Variants in RBM47 observed in about 807,000 individuals in gnomAD.
The protein encoded by RBM47 is RNA binding motif protein 47, also known as RNA-binding protein 47.
A neutral mutation model predicts 47.1 loss-of-function variants in RBM47; 21 were observed. That is an observed-to-expected ratio of 0.45 (90% CI 0.32 to 0.64). RBM47 has a LOEUF of 0.64. Ranked by LOEUF, RBM47 falls within the 30% of genes least tolerant of loss-of-function variation. The pLI is 0.05. For missense variants in RBM47, 708 were observed against 870.9 expected, an observed-to-expected ratio of 0.81 and a Z score of 2.35; for synonymous variants, 375 against 361.7, an observed-to-expected ratio of 1.04 and a Z score of -0.42.
rs1713179755 is a variant in RBM47, at chr4:40,438,873, G to A, written c.21C>T (p.Thr7=). The change falls in exon 4 of 7, where the codon ACC becomes ACT. Residue 7 remains threonine (T), a synonymous_variant. Coordinates refer to ENST00000295971, the MANE Select transcript of RBM47 (RefSeq NM_001098634.2). ...CGGCCGAGTCACTGCTCATGGCTGC[G>A]GTGGAATCCTCTGCGGTCATAATGT... is the stretch of plus-strand genomic sequence containing the variant. The part of the protein sequence containing the change: MTAEDS[T]AAMSSDSAAG... 2 of 1,558,238 alleles carry A rather than the reference G, an allele frequency of 1.3e-6. No individual in the cohort carries two copies. Among genetic ancestry groups the A allele is most frequent in the Non-Finnish European group, 1.7e-6 (2 of 1,158,222 alleles).
At chr4:40,546,167 C>G (rs1729020605) in intron 1 of RBM47, among the ~76,000 whole-genome samples, 1 of 149,172 alleles carries the variant, frequency 6.7e-6, no homozygotes, top group Non-Finnish European at 1.5e-5. Context: ...TTTTTTTTTT[C>G]CAGATGGAGT....
rs79775951 is a variant in RBM47, at chr4:40,530,929, T to A, written c.-155+13493A>T. On this transcript the variant is annotated intron_variant, in intron 2 of 6. Coordinates refer to ENST00000295971, the MANE Select transcript of RBM47 (RefSeq NM_001098634.2). ...AGCTTGGGCAACATAGTGAGACCTG[T>A]CTCTACAAAAAGCAAACAAAATTAG... is the stretch of plus-strand genomic sequence containing the variant. Among the ~76,000 whole-genome samples, 998 of 152,166 alleles carry A rather than the reference T, an allele frequency of 6.6e-3. 12 individuals carry two copies. The highest frequency in any genetic ancestry group is 0.021 in the African/African-American group (852 of 41,530).
chr4:40,622,005 G>A (rs1339866085), intron 1 of RBM47, among the ~76,000 whole-genome samples: 1 of 152,220 alleles, frequency 6.6e-6, no homozygotes, highest in African/African-American at 2.4e-5. Context: ...TATGTTCGTG[G>A]TTGTATTTCG....
intron 2 of RBM47, among the ~76,000 whole-genome samples, chr4:40,476,569 A>G (rs1156657314): frequency 1.3e-5 from 2 of 152,012 alleles, no homozygotes; most frequent in Non-Finnish European, 1.5e-5. Context: ...TCTGTACACA[A>G]CAACAGATCA....
At chr4:40,475,099 T>C (rs1719415232) in intron 2 of RBM47, among the ~76,000 whole-genome samples, 1 of 152,132 alleles carries the variant, frequency 6.6e-6, no homozygotes, top group South Asian at 2.1e-4. Context: ...CTTTAAAGCA[T>C]ATAATCTACA....
intron 3 of RBM47, among the ~76,000 whole-genome samples, chr4:40,451,051 G>C (rs1363771816): frequency 6.6e-6 from 1 of 151,810 alleles, no homozygotes; most frequent in African/African-American, 2.4e-5. Context: ...TGGCTCTTAC[G>C]AATAGTCAAG....
intron 5 of RBM47, among the ~76,000 whole-genome samples, chr4:40,434,557 C>T (rs549359354): frequency 2.0e-5 from 3 of 152,088 alleles, no homozygotes; most frequent in Non-Finnish European, 4.4e-5. Flanking sequence ...CAAGTAGAAG[C>T]GACGACTCCC....
At chr4:40,457,691 T>A (rs1257531708) in intron 3 of RBM47, among the ~76,000 whole-genome samples, 1 of 152,196 alleles carries the variant, frequency 6.6e-6, no homozygotes, top group Non-Finnish European at 1.5e-5. Flanking sequence ...GGCCTTAGCC[T>A]CCCAAAGTGC....
chr4:40,569,040 C>G (rs1398826963), intron 1 of RBM47, among the ~76,000 whole-genome samples: 2 of 150,098 alleles, frequency 1.3e-5, no homozygotes, highest in Admixed American at 1.3e-4. Context: ...GACAGACAGA[C>G]AGACAGACAG....
intron 2 of RBM47, among the ~76,000 whole-genome samples, chr4:40,518,320 G>A (rs1379841312): frequency 8.6e-5 from 13 of 151,698 alleles, no homozygotes; most frequent in Admixed American, 8.5e-4. Context: ...GGGACTACAG[G>A]CACACACCAC....
rs142373957 is a variant in RBM47, at chr4:40,607,658, G to A, written c.-240+21738C>T. On this transcript the variant is annotated intron_variant, in intron 1 of 6. Coordinates refer to ENST00000295971, the MANE Select transcript of RBM47 (RefSeq NM_001098634.2). Reference sequence around the variant, plus strand: ...GGAGATCGGGGCTGCAGAGAGCTGCGGTCACATCACTGCACTCTAGCCTGG... The same window carrying A: ...GGAGATCGGGGCTGCAGAGAGCTGCAGTCACATCACTGCACTCTAGCCTGG... Among the ~76,000 whole-genome samples the A allele has an allele frequency of 7.4e-3, 1,127 of 152,184 alleles. 9 individuals are homozygous for A. Among genetic ancestry groups the A allele is most frequent in the Middle Eastern group, 0.027 (8 of 294 alleles).
At chr4:40,535,367 A>ATGTCTTTTTTTTTTTTTTT (rs1727835742) in intron 2 of RBM47, among the ~76,000 whole-genome samples, 1 of 86,250 alleles carries the variant, frequency 1.2e-5, no homozygotes, top group African/African-American at 6.4e-5. Flanking sequence ...CTGGTATGGT[A>ATGTCTTTTTTTTTTTTTTT]TTTCTTTTTT....
chr4:40,520,811 G>A lies in RBM47; in HGVS notation c.-155+23611C>T, dbSNP rs552646458. Among the ~76,000 whole-genome samples, 8 of 152,300 alleles carry A rather than the reference G, an allele frequency of 5.3e-5. No homozygotes were observed. The South Asian group carries it at 1.7e-3, about 32-fold the overall frequency. ...TTTCCCAAACTGCCCAAGGAAGGAG[G>A]GGCTGCAATAGGAGAGGGGAGATCA... On this transcript the variant is annotated intron_variant, in intron 2 of 6. Transcript: ENST00000295971.
chr4:40,518,037 T>TTTTA lies in RBM47; in HGVS notation c.-155+26381_-155+26384dup, dbSNP rs1026809956. Among the ~76,000 whole-genome samples, 8 of 152,256 alleles carry TTTTA rather than the reference T, an allele frequency of 5.3e-5. No individual in the cohort carries two copies. In the South Asian group the frequency reaches 1.2e-3, roughly 24 times the overall value. On this transcript the variant is annotated intron_variant, in intron 2 of 6. Transcript: ENST00000295971. ...TGGGGTTTTAAGGTAGTTGCTTTGC[T>TTTTA]TTTATTTATTTATTTATTTTGTATT...
chr4:40,492,341 T>A (rs894213276), intron 2 of RBM47, among the ~76,000 whole-genome samples: 1 of 151,902 alleles, frequency 6.6e-6, no homozygotes, highest in East Asian at 1.9e-4. Flanking sequence ...CCAGCCTGGG[T>A]GACAGAGCGA....
chr4:40,604,718 T>C (rs1232452783), intron 1 of RBM47, among the ~76,000 whole-genome samples: 1 of 145,172 alleles, frequency 6.9e-6, no homozygotes, highest in Non-Finnish European at 1.5e-5. Context: ...TGGCTCTTTG[T>C]TGTTGTTGTT....
chr4:40,596,756 C>T (rs1427072733), intron 1 of RBM47, among the ~76,000 whole-genome samples: 3 of 151,980 alleles, frequency 2.0e-5, no homozygotes, highest in African/African-American at 7.3e-5. Flanking sequence ...GGAAAAAGGA[C>T]GTCCTTGGGA....
At chr4:40,500,675 G>A (rs2154250000) in intron 2 of RBM47, among the ~76,000 whole-genome samples, 1 of 152,186 alleles carries the variant, frequency 6.6e-6, no homozygotes, top group South Asian at 2.1e-4. Flanking sequence ...TGTACTTAAT[G>A]AATTGGTCAT....
intron 6 of RBM47, among the ~76,000 whole-genome samples, chr4:40,431,460 T>C (rs10006855): frequency 0.23 from 34,751 of 151,894 alleles, 4,351 homozygotes; most frequent in African/African-American, 0.33. Context: ...AGATTGAGAC[T>C]ATCCTGGCTG....
Sources: allele counts gnomAD v4.1 joint callset (sites outside exome capture counted in the v4.1 genomes callset), GRCh38; gene constraint gnomAD v4.1.1; transcripts MANE v1.5; gene names NCBI Gene and HGNC (gene_info 2026-07-23, HGNC 2026-07-21).